ORC1: variants seen among roughly 807,000 people sequenced by gnomAD.
ORC1 encodes origin recognition complex subunit 1, also known as origin recognition complex, subunit 1 homolog.
In ORC1, 61 loss-of-function variants were observed where a neutral mutation model predicts 98.9. The ratio of observed to expected loss-of-function variants is 0.62; its 90% CI spans 0.50 to 0.76. The LOEUF (loss-of-function observed/expected upper bound fraction) is 0.76, where lower values mean the gene tolerates loss of function less well. Ranked by LOEUF, ORC1 falls within the 30% of genes least tolerant of loss-of-function variation. The pLI is 0.00. For missense variants in ORC1, 979 were observed against 1,072.2 expected (o/e 0.91, Z 1.21); for synonymous variants, 385 against 406.9 (o/e 0.95, Z 0.65).
intron 3 of ORC1, among the ~76,000 whole-genome samples, chr1:52,399,136 A>G (rs1404275230): frequency 2.0e-5 from 3 of 152,200 alleles, no homozygotes; most frequent in Admixed American, 6.5e-5. Flanking sequence ...ACGAACAAAT[A>G]AAAATCAGTG....
At chr1:52,407,633 A>G (rs1370414545), upstream of ORC1, among the ~76,000 whole-genome samples, 1 of 152,200 alleles carries the variant, frequency 6.6e-6, no homozygotes, top group Non-Finnish European at 1.5e-5. Flanking sequence ...TTAAAATTCA[A>G]TATATGGCCA....
chr1:52,405,580 C>A, upstream of ORC1: 1 of 1,021,000 alleles, frequency 9.8e-7, no homozygotes, highest in Non-Finnish European at 1.5e-6. Context: ...TAATATTACA[C>A]TGTTGATGTA....
chr1:52,402,302 C>T, intron 1 of ORC1, 74 bp from the exon 2 acceptor site: 1 of 1,081,460 alleles, frequency 9.2e-7, no homozygotes, highest in Non-Finnish European at 1.4e-6. Context: ...AAGACATAGT[C>T]AGTCCCTCCC....
chr1:52,386,330 G>A (rs1647142857), intron 8 of ORC1, among the ~76,000 whole-genome samples: 1 of 152,208 alleles, frequency 6.6e-6, no homozygotes, highest in African/African-American at 2.4e-5. Context: ...AACTAGGTTT[G>A]ATTCATTAGA....
chr1:52,384,213 C>T (rs1431865341), intron 11 of ORC1, among the ~76,000 whole-genome samples: 1 of 152,194 alleles, frequency 6.6e-6, no homozygotes. Context: ...CTGGATGTTA[C>T]CTGCTCCAAA....
chr1:52,375,496 A>G lies in ORC1; in HGVS notation c.2237T>C (p.Val746Ala). Reference sequence around the variant, plus strand: ...AGCTTCCATTGAGTGGGCTATGGTGACCAGGCCAGGGGAGTCAGGCTTCTG... The same window carrying G: ...AGCTTCCATTGAGTGGGCTATGGTGGCCAGGCCAGGGGAGTCAGGCTTCTG... ...SQQKPDSPGL[V>A]TIAHSMEAVD... Residue 746 changes from valine (V) to alanine (A), a missense_variant, in exon 15 of 17, where the codon GTC (valine) becomes GCC (alanine). Transcript: ENST00000371568. 6.2e-7 allele frequency: 1 copy of G among 1,614,166 alleles called. No homozygotes were observed. The highest frequency in any genetic ancestry group is 8.5e-7 in the Non-Finnish European group (1 of 1,180,028).
chr1:52,395,898 G>A lies in ORC1; in HGVS notation c.721+148C>T, dbSNP rs184877226. 1.2e-5 allele frequency: 16 copies of A among 1,360,914 alleles called. No homozygotes were observed. In the East Asian group the frequency reaches 3.0e-4, roughly 26 times the overall value. The allele number at this position is 1,360,914 out of a possible 1,614,324, so 84.3% of individuals were successfully genotyped here. ...TAGTCCCAGCTACTGGGGAGGCTGA[G>A]GCAGAAGGATTGCTTGAGCATGATC... On this transcript the variant is annotated intron_variant, in intron 5 of 16. Coordinates refer to ENST00000371568, the MANE Select transcript of ORC1 (RefSeq NM_004153.4).
intron 3 of ORC1, 81 bp downstream of exon 3, chr1:52,401,281 G>T: frequency 6.4e-7 from 1 of 1,565,916 alleles, no homozygotes; most frequent in Non-Finnish European, 8.8e-7. Flanking sequence ...GCACACTGCT[G>T]TGAACAAAAG....
Position 52,400,362 on chromosome 1 carries a change from C to T in ORC1, c.223+1000G>A, listed in dbSNP as rs568259617. On this transcript the variant is annotated intron_variant, in intron 3 of 16. Coordinates refer to ENST00000371568, the MANE Select transcript of ORC1 (RefSeq NM_004153.4). Reference sequence around the variant, plus strand: ...GGTGGGACAGCGTGAGATTTCACCACATTACTCACAATGGCACACAATTTA... The same window carrying T: ...GGTGGGACAGCGTGAGATTTCACCATATTACTCACAATGGCACACAATTTA... Among the ~76,000 whole-genome samples, 3 of 152,352 alleles carry T rather than the reference C, an allele frequency of 2.0e-5. No individual in the cohort carries two copies. The South Asian group carries it at 6.2e-4, about 32-fold the overall frequency.
chr1:52,405,953 A>T (rs1557590611), upstream of ORC1: 11 of 907,342 alleles, frequency 1.2e-5, no homozygotes, highest in Non-Finnish European at 1.7e-5. Flanking sequence ...GTTCCACTCC[A>T]GATTTTTGCT....
At chr1:52,409,321 G>A (rs954943733), upstream of ORC1, among the ~76,000 whole-genome samples, 4 of 152,178 alleles carry the variant, frequency 2.6e-5, no homozygotes, top group Admixed American at 1.3e-4. Flanking sequence ...AGAAGGTTAA[G>A]AATTTGGGGC....
chr1:52,380,694 CAAA>C (rs34536767), intron 14 of ORC1, among the ~76,000 whole-genome samples: 1 of 84,220 alleles, frequency 1.2e-5, no homozygotes. Flanking sequence ...GATGCTGTTT[CAAA>C]AAAAAAAAAA....
chr1:52,375,016 C>T (rs1467000040), intron 15 of ORC1, 119 bp from the exon 16 acceptor site: 9 of 713,506 alleles, frequency 1.3e-5, no homozygotes, highest in Non-Finnish European at 2.3e-5. Context: ...ATAATTTCTC[C>T]TATATTATGT....
chr1:52,388,723 T>C, intron 7 of ORC1, 86 bp from the exon 8 acceptor site: 1 of 1,226,996 alleles, frequency 8.1e-7, no homozygotes, highest in East Asian at 2.3e-5. Context: ...ATTACAAGTA[T>C]TGCAGGGTCC....
At chr1:52,388,019 G>A (rs961258998) in intron 8 of ORC1, among the ~76,000 whole-genome samples, 1 of 152,160 alleles carries the variant, frequency 6.6e-6, no homozygotes, top group Non-Finnish European at 1.5e-5. Flanking sequence ...CCATCTTGCT[G>A]TGACATGATT....
chr1:52,408,373 T>G (rs1648057988), upstream of ORC1: 1 of 711,146 alleles, frequency 1.4e-6, no homozygotes, highest in African/African-American at 1.7e-5. Flanking sequence ...CAGCCATAAA[T>G]GGTAGCATGG....
chr1:52,405,621 C>A (rs961464973), upstream of ORC1: 2 of 1,544,818 alleles, frequency 1.3e-6, no homozygotes, highest in Non-Finnish European at 1.8e-6. Context: ...TGAACTAACT[C>A]CACTCCAACT....
chr1:52,390,399 TTA>T (rs1647192960), intron 6 of ORC1, among the ~76,000 whole-genome samples: 1 of 152,154 alleles, frequency 6.6e-6, no homozygotes, highest in Admixed American at 6.5e-5. Flanking sequence ...AGCCAAATAC[TTA>T]TAGCCGACTG....
chr1:52,378,067 C>T (rs957808043), intron 14 of ORC1, among the ~76,000 whole-genome samples: 1 of 152,098 alleles, frequency 6.6e-6, no homozygotes, highest in Non-Finnish European at 1.5e-5. Flanking sequence ...CGGGCTGGGG[C>T]GGGGCGCGGT....
Sources: gnomAD v4.1 joint callset for allele counts (sites outside exome capture counted in the v4.1 genomes callset) on GRCh38, gnomAD v4.1.1 for gene constraint, MANE v1.5 for transcripts, NCBI Gene and HGNC (gene_info 2026-07-23, HGNC 2026-07-21) for gene names.